KCMF1: variants seen among roughly 807,000 people sequenced by gnomAD.
KCMF1 encodes the protein E3 ubiquitin-protein ligase KCMF1.
In KCMF1, 3 loss-of-function variants were observed where a neutral mutation model predicts 41.1. The ratio of observed to expected loss-of-function variants is 0.07; its 90% CI spans 0.03 to 0.19. KCMF1 has a LOEUF of 0.19. Ranked by LOEUF, KCMF1 falls within the 10% of genes least tolerant of loss-of-function variation. The pLI is 1.00. For synonymous variants in KCMF1, 142 were observed against 164.5 expected, an observed-to-expected ratio of 0.86 and a Z score of 1.04; for missense variants, 286 against 488.9, an observed-to-expected ratio of 0.58 and a Z score of 3.91.
intron 1 of KCMF1, among the ~76,000 whole-genome samples, chr2:84,987,943 G>A (rs928441018): frequency 6.6e-6 from 1 of 152,030 alleles, no homozygotes; most frequent in Non-Finnish European, 1.5e-5. Context: ...GGCTTCTGCC[G>A]GGCACAGTGG....
chr2:84,995,389 C>A (rs1229747758), intron 1 of KCMF1, among the ~76,000 whole-genome samples: 1 of 152,076 alleles, frequency 6.6e-6, no homozygotes, highest in Non-Finnish European at 1.5e-5. Context: ...GTTCTAGAGT[C>A]TTGATTCAGG....
chr2:85,046,008 C>A, intron 4 of KCMF1, 96 bp from the exon 5 acceptor site: 1 of 1,004,288 alleles, frequency 1.0e-6, no homozygotes, highest in Non-Finnish European at 1.4e-6. Flanking sequence ...TAAATGCTTA[C>A]AATTCAGGAA....
intron 1 of KCMF1, among the ~76,000 whole-genome samples, chr2:84,984,265 C>A (rs188322820): frequency 6.6e-5 from 10 of 151,944 alleles, no homozygotes; most frequent in Admixed American, 2.0e-4. Flanking sequence ...GTAGCCCACA[C>A]TCTATATATA....
chr2:85,025,865 T>C (rs1467534048), intron 1 of KCMF1, among the ~76,000 whole-genome samples: 1 of 152,066 alleles, frequency 6.6e-6, no homozygotes, highest in Admixed American at 6.6e-5. Flanking sequence ...ATTTAGGAGG[T>C]CTCTATCTAA....
intron 3 of KCMF1, among the ~76,000 whole-genome samples, chr2:85,037,416 G>A (rs1463962132): frequency 6.6e-6 from 1 of 152,208 alleles, no homozygotes; most frequent in Non-Finnish European, 1.5e-5. Context: ...GCCAAGTGTA[G>A]CATGCTGACT....
chr2:84,971,483 G>T lies in KCMF1; in HGVS notation c.16+16G>T. On this transcript the variant is annotated intron_variant, in intron 1 of 6. Transcript: ENST00000409785. ...CGACATGAAGGTGAGAGGAGCCCCC[G>T]CCCCCACCCGCACCTCCCGGGCCTC... The T allele has an allele frequency of 1.6e-6, 2 of 1,236,920 alleles. No homozygotes were observed. The highest frequency in any genetic ancestry group is 2.0e-5 in the South Asian group (1 of 49,946). The allele number at this position is 1,236,920 out of a possible 1,614,324, so 76.6% of individuals were successfully genotyped here.
chr2:85,018,542 T>C (rs1674845991), intron 1 of KCMF1, among the ~76,000 whole-genome samples: 1 of 152,046 alleles, frequency 6.6e-6, no homozygotes, highest in Admixed American at 6.6e-5. Context: ...AGCCCTGGGA[T>C]TACAGGCATG....
chr2:84,975,657 G>C (rs17025755), intron 1 of KCMF1, among the ~76,000 whole-genome samples: 5,138 of 152,170 alleles, frequency 0.034, 113 homozygotes, highest in African/African-American at 0.067. Flanking sequence ...CACCCACTTT[G>C]TGTTCACCCT....
chr2:85,035,392 A>G (rs1675383475), intron 3 of KCMF1, among the ~76,000 whole-genome samples: 1 of 152,224 alleles, frequency 6.6e-6, no homozygotes, highest in Non-Finnish European at 1.5e-5. Context: ...AACCCACAGC[A>G]TGGAGTCTTG....
chr2:85,015,746 AAAG>A (rs1320457869), intron 1 of KCMF1, among the ~76,000 whole-genome samples: 1 of 152,232 alleles, frequency 6.6e-6, no homozygotes, highest in African/African-American at 2.4e-5. Flanking sequence ...TGTAGCCACA[AAAG>A]AAGTTTTATC....
chr2:84,979,053 G>T (rs1673632541), intron 1 of KCMF1, among the ~76,000 whole-genome samples: 1 of 151,746 alleles, frequency 6.6e-6, no homozygotes, highest in Non-Finnish European at 1.5e-5. Context: ...TCACCATATT[G>T]GCCAGGCTCG....
At chr2:84,989,174 G>A (rs1275716096) in intron 1 of KCMF1, among the ~76,000 whole-genome samples, 1 of 152,014 alleles carries the variant, frequency 6.6e-6, no homozygotes, top group Non-Finnish European at 1.5e-5. Context: ...CTGGGCACTG[G>A]TGACAAAAAA....
intron 3 of KCMF1, among the ~76,000 whole-genome samples, chr2:85,037,173 G>T (rs1377110832): frequency 2.0e-5 from 3 of 152,122 alleles, no homozygotes; most frequent in African/African-American, 4.8e-5. Context: ...GCCCAAGGCA[G>T]TTGTCACTCT....
At chr2:85,000,992 C>A (rs1393547096) in intron 1 of KCMF1, among the ~76,000 whole-genome samples, 2 of 148,142 alleles carry the variant, frequency 1.4e-5, no homozygotes, top group Non-Finnish European at 3.0e-5. Context: ...CTTTTTTTTT[C>A]TTTTTTGTCT....
At chr2:85,010,316 A>G (rs1674621446) in intron 1 of KCMF1, among the ~76,000 whole-genome samples, 1 of 152,086 alleles carries the variant, frequency 6.6e-6, no homozygotes, top group African/African-American at 2.4e-5. Flanking sequence ...TAAAAACACA[A>G]AAATTAGCTG....
intron 1 of KCMF1, among the ~76,000 whole-genome samples, chr2:84,996,279 A>G (rs1674174073): frequency 6.6e-6 from 1 of 152,126 alleles, no homozygotes; most frequent in Non-Finnish European, 1.5e-5. Context: ...TTCTCCCTCT[A>G]AAGTAATGTC....
chr2:85,049,464 C>A lies in KCMF1; in HGVS notation c.700C>A (p.Leu234Met). The A allele has an allele frequency of 6.2e-7, 1 of 1,614,062 alleles. No individual in the cohort carries two copies. The highest frequency in any genetic ancestry group is 8.5e-7 in the Non-Finnish European group (1 of 1,179,898). The change falls in exon 6 of 7, where the codon CTG (leucine) becomes ATG (methionine). Residue 234 changes from leucine (L) to methionine (M), a missense_variant. Transcript: ENST00000409785. ...ASQLQQLQMQLQLERQHAQAA... is the reference protein window; with the variant it reads ...ASQLQQLQMQMQLERQHAQAA... Reference sequence around the variant, plus strand: ...TCAGTTACAACAACTGCAGATGCAGCTGCAGCTAGAACGGCAGCATGCCCA... The same window carrying A: ...TCAGTTACAACAACTGCAGATGCAGATGCAGCTAGAACGGCAGCATGCCCA...
chr2:85,025,630 T>C (rs962106542), intron 1 of KCMF1, among the ~76,000 whole-genome samples: 1 of 152,118 alleles, frequency 6.6e-6, no homozygotes, highest in Non-Finnish European at 1.5e-5. Context: ...TTTTTTGAGA[T>C]AGGAGTCCCG....
At chr2:85,034,353 C>G (rs955941471) in intron 2 of KCMF1, among the ~76,000 whole-genome samples, 1 of 152,140 alleles carries the variant, frequency 6.6e-6, no homozygotes, top group Non-Finnish European at 1.5e-5. Flanking sequence ...GCACATTTGT[C>G]CCTGTTACAT....
Sources: allele counts gnomAD v4.1 joint callset (sites outside exome capture counted in the v4.1 genomes callset), GRCh38; gene constraint gnomAD v4.1.1; transcripts MANE v1.5; gene names NCBI Gene and HGNC (gene_info 2026-07-23, HGNC 2026-07-21).